OAS3: variants seen among roughly 807,000 people sequenced by gnomAD.
The protein encoded by OAS3 is 2'-5'-oligoadenylate synthase 3.
Under a neutral mutation model 113.0 loss-of-function variants are expected in OAS3, and 107 were observed. That is an observed-to-expected ratio of 0.95 (90% CI 0.81 to 1.11). The LOEUF is 1.11. OAS3 is among the 50% of genes most tolerant of loss of function. The pLI, the probability that OAS3 is intolerant of heterozygous loss-of-function variation, is 0.00. For synonymous variants in OAS3, 552 were observed against 573.6 expected (o/e 0.96, Z 0.54); for missense variants, 1,258 against 1,389.1 (o/e 0.91, Z 1.50).
chr12:112,945,993 A>T (rs2043724393), intron 3 of OAS3, among the ~76,000 whole-genome samples: 1 of 152,100 alleles, frequency 6.6e-6, no homozygotes, highest in Non-Finnish European at 1.5e-5. Context: ...CTCTGTCTAT[A>T]AATTAATTAA....
Position 112,949,116 on chromosome 12 carries a change from C to A in OAS3, c.1285C>A (p.Gln429Lys). Residue 429 changes from glutamine to lysine, a missense_variant, in exon 6 of 16, where the codon CAG becomes AAG. Transcript: ENST00000228928. ...CCAGGACCACCTGAAGCCGAGCCCCCAGTTCCAGGAGCAGGTGAAAAAGGC... is the reference window on the plus strand; with the variant it reads ...CCAGGACCACCTGAAGCCGAGCCCCAAGTTCCAGGAGCAGGTGAAAAAGGC... ...FIQDHLKPSP[Q>K]FQEQVKKAID... is the part of the protein sequence containing the mutation. The A allele has an allele frequency of 6.2e-7, 1 of 1,614,026 alleles. No individual in the cohort carries two copies. Among genetic ancestry groups the A allele is most frequent in the Non-Finnish European group, 8.5e-7 (1 of 1,179,896 alleles).
Position 112,973,203 on chromosome 12 carries a change from G to A in OAS3, c.*3230G>A, listed in dbSNP as rs1015500892. On this transcript the variant is annotated 3_prime_UTR_variant, in exon 16 of 16. Transcript: ENST00000228928. ...AATCCCTAGAAACCACCAATCTGCT[G>A]TGTATTTCATCTATTGCCAACATTT... The A allele has an allele frequency of 6.6e-6, 1 of 152,162 alleles. No homozygotes were observed. The highest frequency in any genetic ancestry group is 1.5e-5 in the Non-Finnish European group (1 of 68,042). The allele number at this position is 152,162 out of a possible 1,614,324, so 9.4% of individuals were successfully genotyped here. A position where few individuals can be genotyped will look rare whatever the true frequency, so the allele number is the denominator to read the frequency against.
In OAS3 at chr12:112,947,928, GTC is replaced by G. The variant is rs1274225700; in HGVS notation, c.876-12_876-11del. ...CCCTCTTGCTAACCAGAACCTTCTT[GTC>G]TCTCTGAAATTGCAGGCCTGTGATC... On this transcript the variant is annotated splice_polypyrimidine_tract_variant and intron_variant, in intron 4 of 15. Transcript: ENST00000228928. 6.4e-7 allele frequency: 1 copy of G among 1,566,320 alleles called. No homozygotes were observed. Among genetic ancestry groups the G allele is most frequent in the Non-Finnish European group, 8.6e-7 (1 of 1,156,360 alleles).
At position 112,941,886 on chromosome 12, in the gene OAS3, G is replaced by A. The variant is rs1432882350; in HGVS notation, c.460+34G>A. 1.9e-6 allele frequency: 3 copies of A among 1,613,562 alleles called. No individual in the cohort carries two copies. In the South Asian group the frequency reaches 3.3e-5, roughly 18 times the overall value. ...TTCCTAGACCATTCCAGGGTTGGGG[G>A]CAAAAGATCATTGGGAACAACACAG... On this transcript the variant is annotated intron_variant, in intron 2 of 15. Transcript: ENST00000228928.
At chr12:112,968,923 A>T (rs1024170784) in intron 14 of OAS3, among the ~76,000 whole-genome samples, 28 of 152,220 alleles carry the variant, frequency 1.8e-4, no homozygotes, top group African/African-American at 6.8e-4. Flanking sequence ...GGGTACAGAG[A>T]TAATAGAGAT....
rs1306395031 is a variant in OAS3 at position 112,950,690 on chromosome 12, CA to C, written c.1375-2del. 2.5e-6 allele frequency: 4 copies of C among 1,613,774 alleles called. No individual in the cohort carries two copies. Among genetic ancestry groups the C allele is most frequent in the Non-Finnish European group, 3.4e-6 (4 of 1,179,824 alleles). On this transcript the variant is annotated splice_acceptor_variant, in intron 6 of 15. Transcript: ENST00000228928. LOFTEE classifies it high-confidence loss of function. ...CTGATCTGAGCTGTTCTTCCCTCCA[CA>C]GGGGGGCTCATTTGGCCGGGGCACA... is the stretch of plus-strand genomic sequence containing the variant.
At position 112,963,437 on chromosome 12, in the gene OAS3, G is replaced by A. The variant is rs1172818860; in HGVS notation, c.2209G>A (p.Val737Met). ...CTTTCTGAGTAGAGACGGGACATCT[G>A]TGCAGCCCTGGGATGTGATGGTAAG... ...ACFLSRDGTS[V>M]QPWDVMPALL... The change falls in exon 10 of 16, where the codon GTG becomes ATG. Residue 737 changes from valine (V) to methionine (M), a missense_variant. Val to Met is a conservative substitution (Grantham distance 21). Transcript: ENST00000228928. This position sits in a 1 kb window ranked among gnomAD's most constrained non-coding sequence, Gnocchi z 4.6. 2 of 1,550,036 alleles carry A rather than the reference G, an allele frequency of 1.3e-6. No individual in the cohort carries two copies. Among genetic ancestry groups the A allele is most frequent in the East Asian group, 2.4e-5 (1 of 40,894 alleles).
intron 2 of OAS3, chr12:112,942,081 C>T (rs2043686036): frequency 3.3e-6 from 2 of 613,210 alleles, no homozygotes; most frequent in Non-Finnish European, 5.7e-6. Flanking sequence ...GCTTGGCCCT[C>T]CCACAGGCAT....
In OAS3 at chr12:112,968,074, G is replaced by A; in HGVS notation, c.3004G>A (p.Val1002Ile). ...AEGFRTVLEL[V>I]TQYRQLCIYW... The stretch of plus-strand genomic sequence containing the variant: ...GGGCTTCCGCACGGTCCTGGAGCTG[G>A]TCACCCAGTACCGCCAGCTCTGTAT... The change falls in exon 14 of 16, where the codon GTC becomes ATC. Residue 1002 changes from valine to isoleucine, a missense_variant. Val to Ile is a conservative substitution (Grantham distance 29). Coordinates refer to ENST00000228928, the MANE Select transcript of OAS3 (RefSeq NM_006187.4). 2 of 1,613,992 alleles carry A rather than the reference G, an allele frequency of 1.2e-6. No individual in the cohort carries two copies. Among genetic ancestry groups the A allele is most frequent in the African/African-American group, 2.7e-5 (2 of 75,040 alleles).
At chr12:112,952,873 ATTTT>A (rs940376471) in intron 7 of OAS3, among the ~76,000 whole-genome samples, 7 of 151,836 alleles carry the variant, frequency 4.6e-5, no homozygotes, top group Non-Finnish European at 1.5e-5. Context: ...GCATGCATGA[ATTTT>A]GTTTGTTCAT....
intron 5 of OAS3, 55 bp from the exon 6 acceptor site, chr12:112,948,806 G>A (rs1183996759): frequency 2.3e-5 from 32 of 1,384,024 alleles, no homozygotes; most frequent in Non-Finnish European, 3.1e-5. Flanking sequence ...AAGGCATTGG[G>A]TTGATGCAGA....
rs1196412289 is a variant in OAS3, at chr12:112,963,333, C to G, written c.2105C>G (p.Ala702Gly). ...CCCAGACCCCTGGTCCTGGACCCCG[C>G]TGATCCCACCTGGAACGTGGGCCAC... is the stretch of plus-strand genomic sequence containing the variant. ...RKPRPLVLDPADPTWNVGHGS... is the reference protein window; with the variant it reads ...RKPRPLVLDPGDPTWNVGHGS... Residue 702 changes from alanine to glycine, a missense_variant, in exon 10 of 16, where the codon GCT (alanine) becomes GGT (glycine). Physicochemically the swap from Ala to Gly is moderately conservative, Grantham distance 60. Transcript: ENST00000228928. This position sits in a 1 kb window ranked among gnomAD's most constrained non-coding sequence, Gnocchi z 4.6. The G allele has an allele frequency of 6.4e-7, 1 of 1,574,482 alleles. No individual in the cohort carries two copies. Among genetic ancestry groups the G allele is most frequent in the Admixed American group, 1.8e-5 (1 of 55,950 alleles).
At chr12:112,952,773 C>T (rs1228813449) in intron 7 of OAS3, among the ~76,000 whole-genome samples, 1 of 152,124 alleles carries the variant, frequency 6.6e-6, no homozygotes, top group Non-Finnish European at 1.5e-5. Context: ...ACTTGTTTTC[C>T]TTAGTTCTGC....
chr12:112,947,192 A>C (rs1489746151), intron 4 of OAS3, among the ~76,000 whole-genome samples: 1 of 152,168 alleles, frequency 6.6e-6, no homozygotes, highest in Non-Finnish European at 1.5e-5. Context: ...GCCTGGCCCC[A>C]CAAGTTTTAT....
At position 112,961,243 on chromosome 12, in the gene OAS3, C is replaced by G; in HGVS notation, c.1830C>G (p.Arg610=). ...TTCTGCTGGTGAAGCACTGGTACCGCCAGGTGAGTTGCCCCTGGCTCCTCC... is the reference window on the plus strand; with the variant it reads ...TTCTGCTGGTGAAGCACTGGTACCGGCAGGTGAGTTGCCCCTGGCTCCTCC... ...NLILLVKHWY[R]QVAAQNKGKG... is the part of the protein sequence containing the mutation. The change falls in exon 8 of 16, where the codon CGC becomes CGG. Residue 610 remains arginine (R), a synonymous_variant. Coordinates refer to ENST00000228928, the MANE Select transcript of OAS3 (RefSeq NM_006187.4). 1.2e-6 allele frequency: 2 copies of G among 1,613,368 alleles called. No homozygotes were observed. The highest frequency in any genetic ancestry group is 1.7e-6 in the Non-Finnish European group (2 of 1,179,466).
At chr12:112,940,527 T>C (rs754721270) in intron 1 of OAS3, among the ~76,000 whole-genome samples, 5 of 152,230 alleles carry the variant, frequency 3.3e-5, no homozygotes, top group African/African-American at 4.8e-5. Context: ...GAGTTTCTTT[T>C]CCAAATCCTC....
intron 3 of OAS3, chr12:112,944,908 T>A: frequency 2.0e-6 from 1 of 505,632 alleles, no homozygotes; most frequent in East Asian, 3.7e-5. Flanking sequence ...AGTCTGTGTC[T>A]TGGGCTTTTG....
intron 12 of OAS3, 34 bp from the exon 13 acceptor site, chr12:112,967,384 G>A (rs1208793280): frequency 1.3e-6 from 2 of 1,585,860 alleles, no homozygotes; most frequent in Non-Finnish European, 1.7e-6. Flanking sequence ...CAACATGGGA[G>A]CCGGAGTGAT....
chr12:112,969,040 G>A (rs1439532248), intron 14 of OAS3, among the ~76,000 whole-genome samples: 1 of 152,194 alleles, frequency 6.6e-6, no homozygotes, highest in Non-Finnish European at 1.5e-5. Flanking sequence ...GGAAAGAGTA[G>A]GCTAACCAGC....
Sources: gnomAD v4.1 joint callset for allele counts (sites outside exome capture counted in the v4.1 genomes callset) on GRCh38, gnomAD v4.1.1 for gene constraint, Gnocchi (gnomAD v3.1) non-coding constraint, MANE v1.5 for transcripts, NCBI Gene and HGNC (gene_info 2026-07-23, HGNC 2026-07-21) for gene names.